The following TMEM132B variants were observed in gnomAD, a reference collection of about 807,000 sequenced individuals.
The protein encoded by TMEM132B is transmembrane protein 132B.
A neutral mutation model predicts 90.8 loss-of-function variants in TMEM132B; 18 were observed. That is an observed-to-expected ratio of 0.20 (90% CI 0.14 to 0.29). TMEM132B has a LOEUF of 0.29. Among genes scored for constraint, TMEM132B ranks in the 10% least tolerant of loss-of-function variants. The pLI is 1.00. For synonymous variants in TMEM132B, 504 were observed against 523.3 expected (o/e 0.96, Z 0.50); for missense variants, 1,096 against 1,326.8 (o/e 0.83, Z 2.70).
At position 125,654,473 on chromosome 12, in the gene TMEM132B, C is replaced by G; in HGVS notation, c.3015C>G (p.Pro1005=). Residue 1005 remains proline (P), a synonymous_variant, in exon 9 of 9, where the codon CCC becomes CCG. Transcript: ENST00000682704. The surrounding 1 kb of genome is among the most constrained non-coding windows in gnomAD (Gnocchi z 5.8). ...QKTFHSQLLR[P]SDYVYEKEIK... ...CTTTTCATAGTCAACTACTCAGACC[C>G]TCTGACTATGTCTATGAGAAAGAAA... 1.2e-6 allele frequency: 2 copies of G among 1,613,838 alleles called. No individual in the cohort carries two copies. Among genetic ancestry groups the G allele is most frequent in the Non-Finnish European group, 1.7e-6 (2 of 1,180,016 alleles).
rs1887002793 is a variant in TMEM132B, at chr12:125,654,188, C to G, written c.2730C>G (p.Leu910=). 6.2e-7 allele frequency: 1 copy of G among 1,614,246 alleles called. No homozygotes were observed. The highest frequency in any genetic ancestry group is 1.3e-5 in the African/African-American group (1 of 75,064). The stretch of plus-strand genomic sequence containing the variant: ...TGGAGATTGGCATGTATGCCTTGCT[C>G]TGCGTCTTCTGTCTGGCCATTCTGG... ...TDLEIGMYAL[L]CVFCLAILVF... The change falls in exon 9 of 9, where the codon CTC becomes CTG. Residue 910 remains leucine (L), a synonymous_variant. Transcript: ENST00000682704. The surrounding 1 kb of genome is among the most constrained non-coding windows in gnomAD (Gnocchi z 5.8).
chr12:125,435,609 C>T (rs1204434649), intron 3 of TMEM132B, among the ~76,000 whole-genome samples: 2 of 152,200 alleles, frequency 1.3e-5, no homozygotes, highest in African/African-American at 2.4e-5. Context: ...TGGTCAATGT[C>T]CTCCATGAAG....
intron 2 of TMEM132B, among the ~76,000 whole-genome samples, chr12:125,372,926 CT>C (rs1878341768): frequency 6.6e-6 from 1 of 152,208 alleles, no homozygotes; most frequent in African/African-American, 2.4e-5. Context: ...CTGGAATGCT[CT>C]TCCCTTACCT....
intron 5 of TMEM132B, among the ~76,000 whole-genome samples, chr12:125,611,412 G>A (rs1885823924): frequency 5.3e-5 from 8 of 151,576 alleles, no homozygotes; most frequent in Admixed American, 5.3e-4. Flanking sequence ...CATTAATTCA[G>A]CTCTAATGTT....
At chr12:125,233,249 G>A (rs1029790471) in intron 1 of TMEM132B, among the ~76,000 whole-genome samples, 12 of 152,160 alleles carry the variant, frequency 7.9e-5, no homozygotes, top group Admixed American at 2.0e-4. Context: ...GGATTATACA[G>A]GATAGAAGTT....
At chr12:125,190,699 T>C (rs1319723823) in intron 1 of TMEM132B, among the ~76,000 whole-genome samples, 1 of 6,484 alleles carries the variant, frequency 1.5e-4, no homozygotes. Context: ...GTGATGGTGA[T>C]GGGGAAGGGG....
chr12:125,384,205 AG>A (rs1276684719), intron 2 of TMEM132B, among the ~76,000 whole-genome samples: 1 of 151,986 alleles, frequency 6.6e-6, no homozygotes, highest in Non-Finnish European at 1.5e-5. Context: ...GGCCTCCTCA[AG>A]TGCTGGGATT....
chr12:125,199,119 G>C (rs1872990989), intron 1 of TMEM132B, among the ~76,000 whole-genome samples: 1 of 152,256 alleles, frequency 6.6e-6, no homozygotes, highest in African/African-American at 2.4e-5. Flanking sequence ...CAGTGGTAGT[G>C]ATGGAGTTTG....
At chr12:125,294,618 A>C (rs892467961) in intron 1 of TMEM132B, among the ~76,000 whole-genome samples, 6 of 152,226 alleles carry the variant, frequency 3.9e-5, no homozygotes, top group Admixed American at 3.3e-4. Flanking sequence ...GAATCTTCCC[A>C]ACAAACTTTG....
chr12:125,574,098 G>A (rs1884875095), intron 4 of TMEM132B, among the ~76,000 whole-genome samples: 1 of 151,366 alleles, frequency 6.6e-6, no homozygotes, highest in Non-Finnish European at 1.5e-5. Context: ...TATCCTTCAT[G>A]AACTGATGAC....
intron 1 of TMEM132B, among the ~76,000 whole-genome samples, chr12:125,203,169 A>G (rs1445819413): frequency 1.3e-5 from 2 of 152,210 alleles, no homozygotes; most frequent in Non-Finnish European, 2.9e-5. Context: ...AGTGCCTAGA[A>G]TGCTGTGAGA....
chr12:125,539,326 T>G (rs1171512602), intron 4 of TMEM132B, among the ~76,000 whole-genome samples: 1 of 152,202 alleles, frequency 6.6e-6, no homozygotes, highest in Non-Finnish European at 1.5e-5. Context: ...CTGCAAGGCC[T>G]TGGAACACGT....
rs181849864 is a variant in TMEM132B, at chr12:125,444,537, T to A, written c.1106+28860T>A. On this transcript the variant is annotated intron_variant, in intron 3 of 8. Coordinates refer to ENST00000682704, the MANE Select transcript of TMEM132B (RefSeq NM_001366854.1). ...TGCTATTATCAATAATCTTTGAATC[T>A]TTGTCTTTCAAAGTATTCCCTTAGA... 2.9e-3 allele frequency among the ~76,000 whole-genome samples: 449 copies of A among 152,328 alleles called. 1 individual carries two copies. The highest frequency in any genetic ancestry group is 0.01 in the African/African-American group (423 of 41,574).
At chr12:125,609,009 G>C (rs1351422089) in intron 5 of TMEM132B, among the ~76,000 whole-genome samples, 1 of 152,148 alleles carries the variant, frequency 6.6e-6, no homozygotes, top group Non-Finnish European at 1.5e-5. Context: ...ATGGTGGAAG[G>C]CACCTTTTCA....
Position 125,438,613 on chromosome 12 carries a change from C to T in TMEM132B, c.1106+22936C>T, listed in dbSNP as rs189688159. Among the ~76,000 whole-genome samples, 7 of 152,334 alleles carry T rather than the reference C, an allele frequency of 4.6e-5. No individual in the cohort carries two copies. In the South Asian group the frequency reaches 6.2e-4, roughly 14 times the overall value. ...GTTTAATATTTCCCAAAATACGCTG[C>T]AGAGCTGGAAAAAAGAAAGCAAGAA... On this transcript the variant is annotated intron_variant, in intron 3 of 8. Transcript: ENST00000682704.
At chr12:125,463,528 G>A (rs1477590167) in intron 3 of TMEM132B, among the ~76,000 whole-genome samples, 2 of 152,156 alleles carry the variant, frequency 1.3e-5, no homozygotes, top group African/African-American at 4.8e-5. Context: ...TGCCTGGACT[G>A]ATTGTCTTTG....
intron 1 of TMEM132B, among the ~76,000 whole-genome samples, chr12:125,319,313 C>G (rs967050434): frequency 1.3e-5 from 2 of 152,176 alleles, no homozygotes; most frequent in African/African-American, 4.8e-5. Flanking sequence ...GTCATTCCAT[C>G]CACACAGTGA....
intron 4 of TMEM132B, among the ~76,000 whole-genome samples, chr12:125,544,709 G>A (rs1884045636): frequency 6.6e-6 from 1 of 152,218 alleles, no homozygotes; most frequent in Non-Finnish European, 1.5e-5. Context: ...ATGGCAAGAA[G>A]CCATATAGGA....
intron 3 of TMEM132B, among the ~76,000 whole-genome samples, chr12:125,425,010 A>T (rs561637060): frequency 6.6e-6 from 1 of 151,998 alleles, no homozygotes; most frequent in South Asian, 2.1e-4. Context: ...CCTTCCTAAA[A>T]TTGGGATATG....
Sources: allele counts gnomAD v4.1 joint callset (sites outside exome capture counted in the v4.1 genomes callset), GRCh38; gene constraint gnomAD v4.1.1; non-coding constraint Gnocchi (gnomAD v3.1); transcripts MANE v1.5; gene names NCBI Gene and HGNC (gene_info 2026-07-23, HGNC 2026-07-21).